KDM4B: variants seen among roughly 807,000 people sequenced by gnomAD.
KDM4B encodes lysine-specific demethylase 4B.
Under a neutral mutation model 125.2 loss-of-function variants are expected in KDM4B, and 32 were observed. The ratio of observed to expected loss-of-function variants is 0.26; its 90% confidence interval spans 0.19 to 0.34. The LOEUF (loss-of-function observed/expected upper bound fraction) is 0.34, where lower values mean the gene tolerates loss of function less well. KDM4B is among the 10% of genes least tolerant of loss of function. The pLI, the probability that KDM4B is intolerant of heterozygous loss-of-function variation, is 1.00. For missense variants in KDM4B, 1,190 were observed against 1,577.7 expected, an observed-to-expected ratio of 0.75 and a Z score of 4.16; for synonymous variants, 721 against 677.9, an observed-to-expected ratio of 1.06 and a Z score of -0.99.
At chr19:5,054,604 C>T (rs541737853) in intron 6 of KDM4B, among the ~76,000 whole-genome samples, 29 of 152,324 alleles carry the variant, frequency 1.9e-4, no homozygotes, top group Non-Finnish European at 2.5e-4. Flanking sequence ...GCCCAGAAGA[C>T]GAGACCTGGG....
At chr19:5,091,321 T>A (rs999562) in intron 9 of KDM4B, among the ~76,000 whole-genome samples, 13 of 151,968 alleles carry the variant, frequency 8.6e-5, no homozygotes, top group East Asian at 3.9e-4. Context: ...GGGGAGCCAC[T>A]CACGCTCTCT....
chr19:5,068,092 CT>C (rs60727736), intron 6 of KDM4B, among the ~76,000 whole-genome samples: 7,936 of 141,424 alleles, frequency 0.056, 638 homozygotes, highest in African/African-American at 0.18. Context: ...CTGCTTTTGC[CT>C]TTTTTTTTTT....
chr19:5,093,502 T>C (rs889732341), intron 9 of KDM4B, among the ~76,000 whole-genome samples: 2 of 152,176 alleles, frequency 1.3e-5, no homozygotes. Flanking sequence ...GCACTTCCAG[T>C]AGGTTTCCTA....
chr19:5,026,339 A>C (rs971909632), intron 2 of KDM4B, among the ~76,000 whole-genome samples: 2 of 151,944 alleles, frequency 1.3e-5, no homozygotes, highest in African/African-American at 4.8e-5. Flanking sequence ...AATGTTTTTG[A>C]GATGATCTGG....
rs761872418 is a variant in KDM4B at position 5,114,330 on chromosome 19, C to T, written c.1115+3512C>T. The T allele has an allele frequency of 1.5e-4, 134 of 905,220 alleles. 2 individuals are homozygous for T. The highest frequency in any genetic ancestry group is 1.4e-3 in the African/African-American group (84 of 58,548). 56.1% of individuals were successfully genotyped at this position (905,220 alleles called of 1,614,324 possible). ...CCAGGCCTCGTCTCCCCTACCCCTC[C>T]GAGCTCGGTGCTGCCTGTCCCCTCC... On this transcript the variant is annotated intron_variant, in intron 10 of 22. Transcript: ENST00000159111. The surrounding 1 kb of genome is among the most constrained non-coding windows in gnomAD (Gnocchi z 5.8).
chr19:5,118,237 A>G (rs2146011783), intron 10 of KDM4B, among the ~76,000 whole-genome samples: 1 of 152,268 alleles, frequency 6.6e-6, no homozygotes, highest in South Asian at 2.1e-4. Flanking sequence ...CGTGGGATTG[A>G]GGTGTCCGAG....
intron 6 of KDM4B, among the ~76,000 whole-genome samples, chr19:5,060,117 G>A (rs1049859310): frequency 3.3e-5 from 5 of 152,212 alleles, no homozygotes; most frequent in Admixed American, 1.3e-4. Flanking sequence ...GCTGATCTTG[G>A]CCGGGTGATC....
chr19:5,001,048 T>A (rs1278504079), intron 1 of KDM4B, among the ~76,000 whole-genome samples: 1 of 151,996 alleles, frequency 6.6e-6, no homozygotes, highest in African/African-American at 2.4e-5. Flanking sequence ...TTTTTTTTTT[T>A]TGAGACAGAG....
At chr19:5,049,386 A>G (rs1489509045) in intron 6 of KDM4B, among the ~76,000 whole-genome samples, 1 of 151,822 alleles carries the variant, frequency 6.6e-6, no homozygotes, top group African/African-American at 2.4e-5. Flanking sequence ...GGCTCAGGGG[A>G]GACAGCTGGG....
chr19:5,081,617 T>C lies in KDM4B; in HGVS notation c.781-750T>C, dbSNP rs556116418. On this transcript the variant is annotated intron_variant, in intron 8 of 22. Transcript: ENST00000159111. The surrounding 1 kb of genome is among the most constrained non-coding windows in gnomAD (Gnocchi z 4.2). Reference sequence around the variant, plus strand: ...AAGTCGAATGGGCCGAACATCCGAATTGGACCTGGGTCTGGAAGCATTGGC... The same window carrying C: ...AAGTCGAATGGGCCGAACATCCGAACTGGACCTGGGTCTGGAAGCATTGGC... Among the ~76,000 whole-genome samples the C allele has an allele frequency of 2.0e-4, 30 of 152,234 alleles. No individual in the cohort carries two copies. The highest frequency in any genetic ancestry group is 7.0e-4 in the African/African-American group (29 of 41,548).
chr19:5,041,372 C>G, intron 5 of KDM4B, 121 bp downstream of exon 5: 2 of 677,954 alleles, frequency 3.0e-6, no homozygotes, highest in Non-Finnish European at 2.5e-6. Flanking sequence ...TTAACCCCCT[C>G]GCCCAGGCTC....
At chr19:5,094,301 G>T (rs371912833) in intron 9 of KDM4B, among the ~76,000 whole-genome samples, 13 of 152,370 alleles carry the variant, frequency 8.5e-5, no homozygotes, top group African/African-American at 2.9e-4. Context: ...GCTGAGTAGC[G>T]CGGGGAACAG....
chr19:5,001,688 G>A (rs1265580285), intron 1 of KDM4B, among the ~76,000 whole-genome samples: 1 of 150,892 alleles, frequency 6.6e-6, no homozygotes, highest in African/African-American at 2.5e-5. Flanking sequence ...TCCGCCAGCT[G>A]TGTCGTCTGG....
At chr19:5,090,047 A>G (rs193223697) in intron 9 of KDM4B, among the ~76,000 whole-genome samples, 38 of 152,170 alleles carry the variant, frequency 2.5e-4, no homozygotes, top group South Asian at 2.1e-4. Context: ...AACTGTGAAG[A>G]CCCCCAAAGC....
chr19:4,986,744 A>G (rs1284426667), intron 1 of KDM4B, among the ~76,000 whole-genome samples: 6 of 152,222 alleles, frequency 3.9e-5, no homozygotes, highest in Non-Finnish European at 8.8e-5. Flanking sequence ...CCACCTTTGC[A>G]GGATTTGGGA....
intron 2 of KDM4B, among the ~76,000 whole-genome samples, chr19:5,031,900 C>T (rs1377763313): frequency 6.6e-6 from 1 of 152,210 alleles, no homozygotes; most frequent in Non-Finnish European, 1.5e-5. Context: ...CACTCTAGAT[C>T]ACTTTGGGGG....
In KDM4B at chr19:5,115,133, A is replaced by C. The variant is rs1490275889; in HGVS notation, c.1115+4315A>C. The stretch of plus-strand genomic sequence containing the variant: ...TGGGCCGGCAACCAGGAGGACAGCC[A>C]GCAGGGAGCAGCTGGGCTGCACCAT... On this transcript the variant is annotated intron_variant, in intron 10 of 22. Coordinates refer to ENST00000159111, the MANE Select transcript of KDM4B (RefSeq NM_015015.3). The surrounding 1 kb of genome is among the most constrained non-coding windows in gnomAD (Gnocchi z 4.2). Among the ~76,000 whole-genome samples, 2 of 152,318 alleles carry C rather than the reference A, an allele frequency of 1.3e-5. 1 individual carries two copies. Among genetic ancestry groups the C allele is most frequent in the South Asian group, 4.1e-4 (2 of 4,830 alleles).
intron 1 of KDM4B, among the ~76,000 whole-genome samples, chr19:5,002,272 A>T (rs958125024): frequency 6.6e-6 from 1 of 152,180 alleles, no homozygotes; most frequent in Admixed American, 6.5e-5. Context: ...TGCCGGGATT[A>T]TAGGCTTGAG....
intron 1 of KDM4B, among the ~76,000 whole-genome samples, chr19:4,996,971 G>A (rs1408572620): frequency 1.2e-4 from 18 of 151,714 alleles, no homozygotes; most frequent in Admixed American, 1.2e-3. Context: ...ACCACAGACA[G>A]CCCCAGACCT....
Sources: gnomAD v4.1 joint callset for allele counts (sites outside exome capture counted in the v4.1 genomes callset) on GRCh38, gnomAD v4.1.1 for gene constraint, Gnocchi (gnomAD v3.1) non-coding constraint, MANE v1.5 for transcripts, NCBI Gene and HGNC (gene_info 2026-07-23, HGNC 2026-07-21) for gene names.